Variants in DNM3 observed in about 807,000 individuals in gnomAD.
The protein encoded by DNM3 is dynamin-3.
DNM3 carries 47 observed loss-of-function variants against 101.6 expected under a neutral mutation model. The ratio of observed to expected loss-of-function variants is 0.46; its 90% CI spans 0.37 to 0.59. The LOEUF is 0.59. Among genes scored for constraint, DNM3 ranks in the 20% least tolerant of loss-of-function variants. DNM3 has a pLI of 0.00. For synonymous variants in DNM3, 385 were observed against 387.9 expected (o/e 0.99, Z 0.09); for missense variants, 849 against 1,085.7 (o/e 0.78, Z 3.06).
chr1:172,399,102 T>G (rs578179858), intron 20 of DNM3, among the ~76,000 whole-genome samples: 76 of 152,268 alleles, frequency 5.0e-4, no homozygotes, highest in African/African-American at 1.6e-3. Flanking sequence ...TGTGTTCCAG[T>G]TTATGTGTGT....
In DNM3 at chr1:172,408,098, T is replaced by C; in HGVS notation, c.*257T>C. The C allele has an allele frequency of 8.0e-7, 1 of 1,255,672 alleles. No homozygotes were observed. The highest frequency in any genetic ancestry group is 1.0e-6 in the Non-Finnish European group (1 of 995,244). The allele number at this position is 1,255,672 out of a possible 1,614,324, so 77.8% of individuals were successfully genotyped here. A position where few individuals can be genotyped will look rare whatever the true frequency, so the allele number is the denominator to read the frequency against. The stretch of plus-strand genomic sequence containing the variant: ...GTAGGTTTGTATAGCAGCCCTATAC[T>C]TTGGGGATCATTTGCCTACCATGGC... On this transcript the variant is annotated 3_prime_UTR_variant, in exon 21 of 21. Transcript: ENST00000627582.
chr1:172,367,906 C>T (rs2068107876), intron 17 of DNM3, among the ~76,000 whole-genome samples: 2 of 151,718 alleles, frequency 1.3e-5, no homozygotes, highest in South Asian at 4.2e-4. Context: ...GGGTGGTTTC[C>T]CCCATGCTAT....
At chr1:171,926,759 G>T (rs2040605143) in intron 2 of DNM3, among the ~76,000 whole-genome samples, 1 of 151,756 alleles carries the variant, frequency 6.6e-6, no homozygotes. Context: ...ATGTAAGATT[G>T]GTTTAACATC....
At chr1:172,171,115 C>T (rs559876333) in intron 14 of DNM3, among the ~76,000 whole-genome samples, 1 of 151,806 alleles carries the variant, frequency 6.6e-6, no homozygotes, top group South Asian at 2.1e-4. Flanking sequence ...CCTCAAAGGA[C>T]ATACCTCCAA....
intron 2 of DNM3, among the ~76,000 whole-genome samples, chr1:171,986,067 T>C (rs555824746): frequency 2.6e-5 from 4 of 152,148 alleles, no homozygotes; most frequent in South Asian, 2.1e-4. Context: ...TGTTACCCAA[T>C]AGTGGATGGG....
At chr1:172,133,004 A>C (rs2057023317) in intron 14 of DNM3, 1 of 1,524,004 alleles carries the variant, frequency 6.6e-7, no homozygotes, top group African/African-American at 1.4e-5. Context: ...TCAACCACAA[A>C]TAAAGGCAAG....
At chr1:172,218,382 T>G (rs1169846091) in intron 14 of DNM3, among the ~76,000 whole-genome samples, 1 of 152,080 alleles carries the variant, frequency 6.6e-6, no homozygotes, top group Non-Finnish European at 1.5e-5. Flanking sequence ...TTTGTTACAC[T>G]GGTAACATTA....
intron 13 of DNM3, among the ~76,000 whole-genome samples, chr1:172,119,900 C>T (rs1382088929): frequency 6.6e-6 from 1 of 152,188 alleles, no homozygotes; most frequent in Admixed American, 6.5e-5. Context: ...ATACTAACTT[C>T]TCTTCCTAAA....
intron 2 of DNM3, among the ~76,000 whole-genome samples, chr1:171,955,905 G>A (rs942490282): frequency 4.6e-5 from 7 of 152,146 alleles, no homozygotes; most frequent in Admixed American, 1.3e-4. Context: ...GAGGAGAGAG[G>A]TTGTGCAGGG....
chr1:172,230,498 GT>G (rs1445243643), intron 14 of DNM3, among the ~76,000 whole-genome samples: 13 of 152,078 alleles, frequency 8.5e-5, no homozygotes, highest in Admixed American at 8.5e-4. Context: ...AGAATCCTTT[GT>G]TTAACTACTT....
At chr1:172,357,375 T>A (rs904960777) in intron 17 of DNM3, among the ~76,000 whole-genome samples, 6 of 152,090 alleles carry the variant, frequency 3.9e-5, no homozygotes, top group Non-Finnish European at 2.9e-5. Flanking sequence ...ACATCACTAG[T>A]AATGAGACAG....
intron 2 of DNM3, among the ~76,000 whole-genome samples, chr1:171,977,491 T>C (rs1462016340): frequency 6.6e-6 from 1 of 152,180 alleles, no homozygotes; most frequent in East Asian, 1.9e-4. Context: ...AAAACACTTT[T>C]TAAGTAAACA....
intron 13 of DNM3, among the ~76,000 whole-genome samples, chr1:172,114,282 A>C (rs973319012): frequency 6.6e-6 from 1 of 152,206 alleles, no homozygotes. Flanking sequence ...AGGTACAGCA[A>C]GGACTAGAAA....
At chr1:172,416,720 A>G (rs1218998750), downstream of DNM3, among the ~76,000 whole-genome samples, 3 of 152,282 alleles carry the variant, frequency 2.0e-5, no homozygotes, top group Admixed American at 6.5e-5. Context: ...ACTCGAAAAT[A>G]GTTTCTGTTT....
At chr1:172,036,370 G>T (rs182927766) in intron 6 of DNM3, among the ~76,000 whole-genome samples, 1 of 151,914 alleles carries the variant, frequency 6.6e-6, no homozygotes, top group East Asian at 1.9e-4. Flanking sequence ...ATTCCATGGT[G>T]TATACGCTAC....
chr1:171,988,023 A>AT (rs1226559584), intron 3 of DNM3, among the ~76,000 whole-genome samples: 1 of 152,126 alleles, frequency 6.6e-6, no homozygotes, highest in Non-Finnish European at 1.5e-5. Context: ...TAGTCATCAA[A>AT]TTTTTTCTTC....
At chr1:172,396,674 A>ACAAT (rs2070030395) in intron 20 of DNM3, among the ~76,000 whole-genome samples, 1 of 152,254 alleles carries the variant, frequency 6.6e-6, no homozygotes, top group Non-Finnish European at 1.5e-5. Context: ...GTCTTATTTT[A>ACAAT]CAATCAAATA....
intron 2 of DNM3, among the ~76,000 whole-genome samples, chr1:171,975,723 CT>C (rs1424947092): frequency 6.6e-6 from 1 of 152,188 alleles, no homozygotes; most frequent in African/African-American, 2.4e-5. Flanking sequence ...AACTGACAAG[CT>C]GATTCTAAAA....
chr1:171,934,976 AAAGAGACTT>A (rs2041296763), intron 2 of DNM3, among the ~76,000 whole-genome samples: 1 of 152,184 alleles, frequency 6.6e-6, no homozygotes, highest in Admixed American at 6.5e-5. Context: ...CATTTTAGAA[AAAGAGACTT>A]AAGCAATTTA....
Sources: gnomAD v4.1 joint callset for allele counts (sites outside exome capture counted in the v4.1 genomes callset) on GRCh38, gnomAD v4.1.1 for gene constraint, MANE v1.5 for transcripts, NCBI Gene and HGNC (gene_info 2026-07-23, HGNC 2026-07-21) for gene names.